MED13: variants seen among roughly 807,000 people sequenced by gnomAD.
MED13 encodes the protein mediator of RNA polymerase II transcription subunit 13.
Under a neutral mutation model 225.2 loss-of-function variants are expected in MED13, and 23 were observed. The observed-to-expected ratio is 0.10, with a 90% CI of 0.07 to 0.14. The LOEUF is 0.14. MED13 is among the 10% of genes least tolerant of loss of function. MED13 has a pLI of 1.00. For missense variants in MED13, 2,197 were observed against 2,594.5 expected, an observed-to-expected ratio of 0.85 and a Z score of 3.33; for synonymous variants, 942 against 889.2, an observed-to-expected ratio of 1.06 and a Z score of -1.06.
At chr17:62,022,802 G>C (rs187419749) in intron 8 of MED13, among the ~76,000 whole-genome samples, 62 of 152,214 alleles carry the variant, frequency 4.1e-4, no homozygotes, top group African/African-American at 1.2e-3. Flanking sequence ...TTGAGCCCAG[G>C]AGTTCAAGAC....
chr17:61,970,870 C>G (rs2080102362), intron 17 of MED13, among the ~76,000 whole-genome samples: 1 of 151,156 alleles, frequency 6.6e-6, no homozygotes, highest in Non-Finnish European at 1.5e-5. Context: ...ACAAAATATA[C>G]AAAAATTAGC....
chr17:62,011,820 A>C (rs1397950949), intron 8 of MED13, among the ~76,000 whole-genome samples: 1 of 152,226 alleles, frequency 6.6e-6, no homozygotes, highest in South Asian at 2.1e-4. Flanking sequence ...TGACTAGAAA[A>C]GGGAAAGAAA....
intron 8 of MED13, among the ~76,000 whole-genome samples, chr17:62,013,900 G>C (rs575084168): frequency 5.3e-4 from 80 of 152,114 alleles, no homozygotes; most frequent in African/African-American, 1.8e-3. Flanking sequence ...TTAGCTGGGC[G>C]TGGTGGTGGG....
intron 16 of MED13, among the ~76,000 whole-genome samples, chr17:61,978,295 G>T (rs1309973704): frequency 6.6e-6 from 1 of 151,926 alleles, no homozygotes; most frequent in Non-Finnish European, 1.5e-5. Flanking sequence ...TTGTCGCCTG[G>T]GCTGGAGTAC....
chr17:62,062,597 A>AC (rs1210013248), intron 2 of MED13, among the ~76,000 whole-genome samples: 80 of 62,838 alleles, frequency 1.3e-3, no homozygotes, highest in South Asian at 1.9e-3. Context: ...ACACACACAC[A>AC]CACCACACAC....
At chr17:61,947,668 C>CT (rs544182261) in intron 28 of MED13, among the ~76,000 whole-genome samples, 235 of 152,282 alleles carry the variant, frequency 1.5e-3, no homozygotes, top group African/African-American at 5.5e-3. Flanking sequence ...TGAGAACACT[C>CT]TAAGTAATAC....
chr17:62,014,085 G>A (rs1490900803), intron 8 of MED13, among the ~76,000 whole-genome samples: 3 of 151,578 alleles, frequency 2.0e-5, no homozygotes, highest in Non-Finnish European at 4.4e-5. Context: ...TACAATGAAA[G>A]GGTCAGGCTG....
intron 8 of MED13, among the ~76,000 whole-genome samples, chr17:62,025,154 A>G (rs1402697282): frequency 6.6e-6 from 1 of 152,144 alleles, no homozygotes; most frequent in Non-Finnish European, 1.5e-5. Context: ...TCTGTAGTGA[A>G]CCAGAGAGTA....
At chr17:62,061,437 G>T (rs1205170040) in intron 2 of MED13, among the ~76,000 whole-genome samples, 1 of 152,006 alleles carries the variant, frequency 6.6e-6, no homozygotes, top group Non-Finnish European at 1.5e-5. Flanking sequence ...GTATTTCATG[G>T]AATCTTAAAA....
chr17:62,050,445 T>C (rs961262782), intron 3 of MED13, among the ~76,000 whole-genome samples: 1 of 150,566 alleles, frequency 6.6e-6, no homozygotes, highest in Non-Finnish European at 1.5e-5. Context: ...GGAAGTAAGA[T>C]AGCTAACCTC....
rs757594683 is a variant in MED13 at position 62,010,950 on chromosome 17, G to A, written c.1567C>T (p.His523Tyr). 2 of 1,612,622 alleles carry A rather than the reference G, an allele frequency of 1.2e-6. No homozygotes were observed. Among genetic ancestry groups the A allele is most frequent in the Non-Finnish European group, 1.7e-6 (2 of 1,178,688 alleles). Residue 523 changes from histidine to tyrosine, a missense_variant, in exon 9 of 30, where the codon CAT becomes TAT. Transcript: ENST00000397786. Reference protein sequence around the residue: ...TNDVAKTPQMHGTEMANSPQP... With the variant: ...TNDVAKTPQMYGTEMANSPQP... ...GGTGAATTTGCCATTTCGGTGCCAT[G>A]CATCTGAGGAGTCTTTGCTACATCA...
intron 28 of MED13, among the ~76,000 whole-genome samples, chr17:61,948,744 A>G (rs1280437020): frequency 6.6e-6 from 1 of 151,164 alleles, no homozygotes; most frequent in African/African-American, 2.4e-5. Context: ...TTAAATTAGC[A>G]TGACTTGTGG....
intron 14 of MED13, 47 bp from the exon 15 acceptor site, chr17:61,984,414 G>C: frequency 7.3e-7 from 1 of 1,373,172 alleles, no homozygotes; most frequent in Non-Finnish European, 9.8e-7. Flanking sequence ...CTTCTAGGAG[G>C]AAAAAATAAA....
rs767871644 is a variant in MED13, at chr17:62,063,221, T to C, written c.147A>G (p.Glu49=). 7.4e-6 allele frequency: 12 copies of C among 1,614,078 alleles called. No homozygotes were observed. Among genetic ancestry groups the C allele is most frequent in the African/African-American group, 1.3e-5 (1 of 74,934 alleles). Reference sequence around the variant, plus strand: ...TAAAACTGCTCAAAATGGGGTCTTCTTCTGTCACAGGAAACAGAATAGGGG... The same window carrying C: ...TAAAACTGCTCAAAATGGGGTCTTCCTCTGTCACAGGAAACAGAATAGGGG... The part of the protein sequence containing the change: ...TSAPILFPVT[E]EDPILSSFSR... The change falls in exon 2 of 30, where the codon GAA becomes GAG. Residue 49 remains glutamate (E), a synonymous_variant. Coordinates refer to ENST00000397786, the MANE Select transcript of MED13 (RefSeq NM_005121.3).
chr17:62,035,797 T>C (rs781583110), intron 3 of MED13, among the ~76,000 whole-genome samples, 189 bp from the exon 4 acceptor site: 8 of 152,158 alleles, frequency 5.3e-5, no homozygotes, highest in Non-Finnish European at 1.0e-4. Context: ...ACAACACTGT[T>C]TATAGTAGGA....
intron 16 of MED13, 56 bp from the exon 17 acceptor site, chr17:61,972,944 A>C (rs1285118915): frequency 2.7e-6 from 4 of 1,457,410 alleles, no homozygotes; most frequent in African/African-American, 2.8e-5. Flanking sequence ...CAACACAAAT[A>C]AAATTTTAAG....
At chr17:61,994,139 C>T (rs577239509) in intron 10 of MED13, among the ~76,000 whole-genome samples, 3 of 152,106 alleles carry the variant, frequency 2.0e-5, no homozygotes, top group East Asian at 3.9e-4. Context: ...GCTGGGACTA[C>T]AGGCGCCCGC....
intron 16 of MED13, among the ~76,000 whole-genome samples, chr17:61,973,509 T>C (rs2080126992): frequency 1.3e-5 from 2 of 152,180 alleles, no homozygotes; most frequent in Admixed American, 1.3e-4. Context: ...GTGCTCCTCA[T>C]AAATGTCAAA....
In MED13 at chr17:62,010,915, G is replaced by C. The variant is rs931809267; in HGVS notation, c.1602C>G (p.Pro534=). 1.2e-6 allele frequency: 2 copies of C among 1,612,734 alleles called. No individual in the cohort carries two copies. The highest frequency in any genetic ancestry group is 1.7e-6 in the Non-Finnish European group (2 of 1,178,918). ...GTEMANSPQP[P]PLSPHPCDVV... is the part of the protein sequence containing the mutation. The stretch of plus-strand genomic sequence containing the variant: ...CATCACAAGGGTGAGGACTAAGTGG[G>C]GGTGGTTGAGGTGAATTTGCCATTT... Residue 534 remains proline (P), a synonymous_variant, in exon 9 of 30, where the codon CCC becomes CCG. Transcript: ENST00000397786.
Sources: gnomAD v4.1 joint callset for allele counts (sites outside exome capture counted in the v4.1 genomes callset) on GRCh38, gnomAD v4.1.1 for gene constraint, MANE v1.5 for transcripts, NCBI Gene and HGNC (gene_info 2026-07-23, HGNC 2026-07-21) for gene names.